Variants in LRRC4C observed in about 807,000 individuals in gnomAD.
LRRC4C encodes the protein leucine-rich repeat-containing protein 4C.
LRRC4C carries 5 observed loss-of-function variants against 33.6 expected under a neutral mutation model. The observed-to-expected ratio is 0.15, with a 90% CI of 0.08 to 0.31. The LOEUF (loss-of-function observed/expected upper bound fraction) is 0.31, where lower values mean the gene tolerates loss of function less well. Ranked by LOEUF, LRRC4C falls within the 10% of genes least tolerant of loss-of-function variation. The probability of loss-of-function intolerance (pLI) is 1.00; values close to 1 mark genes in which losing one functional copy is unlikely to be tolerated. For synonymous variants in LRRC4C, 329 were observed against 302.0 expected, an observed-to-expected ratio of 1.09 and a Z score of -0.93; for missense variants, 560 against 796.7, an observed-to-expected ratio of 0.70 and a Z score of 3.58.
chr11:40,198,025 G>C (rs1862403419), intron 5 of LRRC4C, among the ~76,000 whole-genome samples: 1 of 152,056 alleles, frequency 6.6e-6, no homozygotes, highest in South Asian at 2.1e-4. Context: ...TAATAAAGTA[G>C]GATAAGTGGG....
chr11:40,411,630 C>T (rs1244471301), intron 3 of LRRC4C, among the ~76,000 whole-genome samples: 1 of 152,016 alleles, frequency 6.6e-6, no homozygotes, highest in Non-Finnish European at 1.5e-5. Context: ...TATTTGCTAT[C>T]TTTCTGCTTC....
intron 1 of LRRC4C, among the ~76,000 whole-genome samples, chr11:41,149,302 G>A (rs954041552): frequency 3.3e-5 from 5 of 151,896 alleles, no homozygotes; most frequent in Non-Finnish European, 7.4e-5. Context: ...TCAGGAGATC[G>A]AGACCATCCC....
intron 3 of LRRC4C, among the ~76,000 whole-genome samples, chr11:40,526,211 C>G (rs1280328506): frequency 6.6e-6 from 1 of 151,896 alleles, no homozygotes; most frequent in Admixed American, 6.6e-5. Flanking sequence ...CAGAAAATGC[C>G]AAGCATAAAA....
At chr11:40,738,854 C>T (rs887678113) in intron 2 of LRRC4C, among the ~76,000 whole-genome samples, 3 of 152,054 alleles carry the variant, frequency 2.0e-5, no homozygotes, top group Admixed American at 2.0e-4. Context: ...TCTGCCCCAC[C>T]CAGTGCAGGA....
At chr11:40,988,597 T>A (rs774129704) in intron 1 of LRRC4C, among the ~76,000 whole-genome samples, 10 of 152,130 alleles carry the variant, frequency 6.6e-5, no homozygotes, top group Non-Finnish European at 1.2e-4. Context: ...ATACTGCGGT[T>A]ATTCTGCTTG....
intron 3 of LRRC4C, among the ~76,000 whole-genome samples, chr11:40,634,400 T>G (rs1963768537): frequency 6.6e-6 from 1 of 152,168 alleles, no homozygotes; most frequent in Admixed American, 6.5e-5. Context: ...AAGTTGGTTT[T>G]AGGGTTTACG....
intron 3 of LRRC4C, among the ~76,000 whole-genome samples, chr11:40,428,471 G>T (rs376954603): frequency 6.6e-6 from 1 of 152,106 alleles, no homozygotes; most frequent in African/African-American, 2.4e-5. Context: ...AATAACTTAC[G>T]AGTGATGGTA....
At chr11:41,294,687 C>T (rs1044596067) in intron 1 of LRRC4C, among the ~76,000 whole-genome samples, 2 of 152,092 alleles carry the variant, frequency 1.3e-5, no homozygotes, top group African/African-American at 4.8e-5. Context: ...CAATGGAACT[C>T]ACTCTTTTCA....
chr11:41,230,943 A>G (rs961108570), intron 1 of LRRC4C, among the ~76,000 whole-genome samples: 2 of 151,956 alleles, frequency 1.3e-5, no homozygotes, highest in African/African-American at 4.8e-5. Flanking sequence ...CCCATCAACA[A>G]GTGGGCAAAG....
intron 3 of LRRC4C, among the ~76,000 whole-genome samples, chr11:40,383,838 C>G (rs184844540): frequency 1.5e-4 from 22 of 151,706 alleles, no homozygotes; most frequent in African/African-American, 5.1e-4. Context: ...GCATGCAACA[C>G]CGTGCCCGGC....
chr11:40,355,629 C>T (rs1369388018), intron 3 of LRRC4C, among the ~76,000 whole-genome samples: 1 of 152,122 alleles, frequency 6.6e-6, no homozygotes, highest in East Asian at 1.9e-4. Flanking sequence ...AAGTTCCACA[C>T]ACAATGCACT....
chr11:40,665,774 T>C (rs1327762247), intron 2 of LRRC4C, among the ~76,000 whole-genome samples: 1 of 152,092 alleles, frequency 6.6e-6, no homozygotes, highest in African/African-American at 2.4e-5. Flanking sequence ...GGTATACAAC[T>C]TACAGCATAA....
chr11:41,203,927 A>G (rs533972395), intron 1 of LRRC4C, among the ~76,000 whole-genome samples: 1 of 152,344 alleles, frequency 6.6e-6, no homozygotes, highest in South Asian at 2.1e-4. Flanking sequence ...TATGAAAAGT[A>G]GAAGGTATTT....
At chr11:40,291,756 A>T (rs1045275564) in intron 4 of LRRC4C, among the ~76,000 whole-genome samples, 6 of 152,128 alleles carry the variant, frequency 3.9e-5, no homozygotes, top group African/African-American at 1.4e-4. Flanking sequence ...GTGTTAATAC[A>T]TTCTGTTGAT....
intron 1 of LRRC4C, among the ~76,000 whole-genome samples, chr11:41,163,395 T>C (rs1193861409): frequency 6.8e-6 from 1 of 147,232 alleles, no homozygotes; most frequent in Non-Finnish European, 1.5e-5. Context: ...ATGATTCCCC[T>C]GCCTCAGCTT....
chr11:41,300,295 C>T (rs1165670708), intron 1 of LRRC4C, among the ~76,000 whole-genome samples: 1 of 152,196 alleles, frequency 6.6e-6, no homozygotes, highest in Non-Finnish European at 1.5e-5. Flanking sequence ...TTGCCCAAGG[C>T]TTACCACACT....
chr11:40,560,098 G>C (rs1226440019), intron 3 of LRRC4C, among the ~76,000 whole-genome samples: 1 of 152,120 alleles, frequency 6.6e-6, no homozygotes, highest in Non-Finnish European at 1.5e-5. Flanking sequence ...TGCCTGAAGA[G>C]TTATGTTCTG....
chr11:40,827,010 A>G (rs1952195255), intron 2 of LRRC4C, among the ~76,000 whole-genome samples: 1 of 151,988 alleles, frequency 6.6e-6, no homozygotes. Context: ...TCTTTTGATA[A>G]CGTACTAATT....
At chr11:40,197,983 T>G (rs530938661) in intron 5 of LRRC4C, among the ~76,000 whole-genome samples, 76 of 152,252 alleles carry the variant, frequency 5.0e-4, no homozygotes, top group African/African-American at 1.7e-3. Flanking sequence ...AAAACTTACA[T>G]TTAATAAGAA....
Sources: gnomAD v4.1 joint callset for allele counts (sites outside exome capture counted in the v4.1 genomes callset) on GRCh38, gnomAD v4.1.1 for gene constraint, MANE v1.5 for transcripts, NCBI Gene and HGNC (gene_info 2026-07-23, HGNC 2026-07-21) for gene names.